FAM151A: variants seen among roughly 807,000 people sequenced by gnomAD.
FAM151A encodes family with sequence similarity 151 member A.
Under a neutral mutation model 40.4 loss-of-function variants are expected in FAM151A, and 41 were observed. That is an observed-to-expected ratio of 1.01 (90% CI 0.79 to 1.32). The LOEUF (loss-of-function observed/expected upper bound fraction) is 1.32. FAM151A is among the 40% of genes most tolerant of loss of function. FAM151A has a pLI of 0.00. For missense variants in FAM151A, 740 were observed against 740.4 expected (o/e 1.00, Z 0.01); for synonymous variants, 337 against 312.5 (o/e 1.08, Z -0.83).
Position 54,610,209 on chromosome 1 carries a change from ACTGGT to A in FAM151A, c.1084+198_1084+202del, listed in dbSNP as rs1350424280. 4 of 1,435,736 alleles carry A rather than the reference ACTGGT, an allele frequency of 2.8e-6. No homozygotes were observed. In the African/African-American group the frequency reaches 5.7e-5, roughly 21 times the overall value. 88.9% of individuals were successfully genotyped at this position (1,435,736 alleles called of 1,614,324 possible). A position where few individuals can be genotyped will look rare whatever the true frequency, so the allele number is the denominator to read the frequency against. On this transcript the variant is annotated intron_variant, in intron 7 of 7. Transcript: ENST00000302250. ...CTTGCCTGCAGCAATGTAGCTGAGG[ACTGGT>A]CTGAAGGCCAGGAGCCCTGTGCTCT...
intron 4 of FAM151A, among the ~76,000 whole-genome samples, chr1:54,613,368 G>C (rs1025479462): frequency 2.6e-5 from 4 of 151,514 alleles, no homozygotes; most frequent in Non-Finnish European, 5.9e-5. Flanking sequence ...AACAGAGTGA[G>C]ACTCCATCTC....
At chr1:54,622,423 C>T (rs1037040967) in intron 1 of FAM151A, among the ~76,000 whole-genome samples, 1 of 151,556 alleles carries the variant, frequency 6.6e-6, no homozygotes, top group South Asian at 2.1e-4. Flanking sequence ...ACTAAAAATA[C>T]AAAAATTAGC....
intron 2 of FAM151A, 143 bp from the exon 3 acceptor site, chr1:54,616,315 T>C: frequency 1.3e-6 from 1 of 750,908 alleles, no homozygotes; most frequent in Non-Finnish European, 2.1e-6. Context: ...ACTTCCATCA[T>C]AGTTTCACAT....
In FAM151A at chr1:54,612,697, C is replaced by T; in HGVS notation, c.589G>A (p.Val197Ile). 6.2e-7 allele frequency: 1 copy of T among 1,613,538 alleles called. No homozygotes were observed. ...EVNATQFLALVQEKYPKATLS... is the reference protein window; with the variant it reads ...EVNATQFLALIQEKYPKATLS... The stretch of plus-strand genomic sequence containing the variant: ...GTAGCCTTGGGATACTTCTCCTGGA[C>T]CAGGGCCAGGAACCTGCAAAAAAAT... The change falls in exon 5 of 8, where the codon GTC becomes ATC. Residue 197 changes from valine (V) to isoleucine (I), a missense_variant. Val to Ile is a conservative substitution (Grantham distance 29, BLOSUM62 3). Transcript: ENST00000302250.
intron 1 of FAM151A, among the ~76,000 whole-genome samples, chr1:54,622,827 A>T (rs1204612403): frequency 9.5e-6 from 1 of 105,160 alleles, no homozygotes; most frequent in East Asian, 2.9e-4. Flanking sequence ...GGGGGATGGA[A>T]GAGAGAAAGA....
intron 2 of FAM151A, among the ~76,000 whole-genome samples, chr1:54,619,300 CG>C (rs1180747917): frequency 6.6e-6 from 1 of 152,220 alleles, no homozygotes; most frequent in African/African-American, 2.4e-5. Flanking sequence ...GGGGGTCAAG[CG>C]TCACGCAGTG....
At chr1:54,618,368 G>T (rs901921542) in intron 2 of FAM151A, among the ~76,000 whole-genome samples, 5 of 152,128 alleles carry the variant, frequency 3.3e-5, no homozygotes, top group African/African-American at 1.2e-4. Context: ...GCCAGGCATG[G>T]TAGTGGGTTC....
intron 7 of FAM151A, 154 bp from the exon 8 acceptor site, chr1:54,610,095 G>A: frequency 7.0e-7 from 1 of 1,434,478 alleles, no homozygotes; most frequent in South Asian, 1.5e-5. Flanking sequence ...AGGTGGATGG[G>A]TTGCTTTATA....
rs1644171291 is a variant in FAM151A at position 54,616,153 on chromosome 1, C to T, written c.282G>A (p.Glu94=). 6.2e-7 allele frequency: 1 copy of T among 1,614,154 alleles called. No individual in the cohort carries two copies. ...AALNSNITVL[E]ADVNVEGLGT... ...CGAGCCCTTCTACATTGACGTCAGCCTCCAGGACTGTGATGTTGCCTGTGG... is the reference window on the plus strand; with the variant it reads ...CGAGCCCTTCTACATTGACGTCAGCTTCCAGGACTGTGATGTTGCCTGTGG... Residue 94 remains glutamate, a synonymous_variant, in exon 3 of 8, where the codon GAG becomes GAA. Coordinates refer to ENST00000302250, the MANE Select transcript of FAM151A (RefSeq NM_176782.3).
At chr1:54,613,391 CTT>C (rs1218346404) in intron 4 of FAM151A, among the ~76,000 whole-genome samples, 1 of 151,204 alleles carries the variant, frequency 6.6e-6, no homozygotes, top group South Asian at 2.1e-4. Context: ...AAAAAAAAAA[CTT>C]TTTTTCCTGT....
At chr1:54,612,754 C>T (rs758284203) in intron 4 of FAM151A, 44 bp from the exon 5 acceptor site, 1 of 1,469,682 alleles carries the variant, frequency 6.8e-7, no homozygotes, top group African/African-American at 1.4e-5. Context: ...GCTGCAGCGG[C>T]CCCTTCCTCT....
In FAM151A at chr1:54,616,099, G is replaced by T. The variant is rs139479416; in HGVS notation, c.336C>A (p.Ile112=). The change falls in exon 3 of 8, where the codon ATC becomes ATA. Residue 112 remains isoleucine (I), a synonymous_variant. Transcript: ENST00000302250. ...TGTAGATAGTGGGGGGGTGTGCCAT[G>T]ATGGGAACTCCTGTCTCATTGGCTG... ...LGTANETGVP[I]MAHPPTIYSD... is the part of the protein sequence containing the mutation. 14 of 1,614,054 alleles carry T rather than the reference G, an allele frequency of 8.7e-6. No homozygotes were observed. In the African/African-American group the frequency reaches 1.6e-4, roughly 18 times the overall value.
intron 2 of FAM151A, among the ~76,000 whole-genome samples, chr1:54,617,850 A>G (rs558886678): frequency 7.3e-5 from 11 of 149,934 alleles, no homozygotes; most frequent in Admixed American, 4.1e-4. Context: ...CAGCCTCCTG[A>G]GTAGCTGGGA....
At position 54,610,509 on chromosome 1, in the gene FAM151A, G is replaced by C. The variant is rs371294069; in HGVS notation, c.987C>G (p.Ile329Met). 2.8e-5 allele frequency: 45 copies of C among 1,613,490 alleles called. No individual in the cohort carries two copies. The highest frequency in any genetic ancestry group is 1.6e-4 in the Middle Eastern group (1 of 6,072). Reference protein sequence around the residue: ...KPMYYTGGSLIPLLQLPGDDG... With the variant: ...KPMYYTGGSLMPLLQLPGDDG... Reference sequence around the variant, plus strand: ...CATCCCCAGGCAGCTGGAGAAGAGGGATCAGGCTGCCTCCCGTGTAGTACA... The same window carrying C: ...CATCCCCAGGCAGCTGGAGAAGAGGCATCAGGCTGCCTCCCGTGTAGTACA... Residue 329 changes from isoleucine (I) to methionine (M), a missense_variant, in exon 7 of 8, where the codon ATC (isoleucine) becomes ATG (methionine). Transcript: ENST00000302250.
Position 54,614,693 on chromosome 1 carries a change from C to T in FAM151A, c.575+7G>A. The T allele has an allele frequency of 1.2e-6, 2 of 1,607,682 alleles. No individual in the cohort carries two copies. Among genetic ancestry groups the T allele is most frequent in the Non-Finnish European group, 8.5e-7 (1 of 1,175,636 alleles). On this transcript the variant is annotated splice_region_variant and intron_variant, in intron 4 of 7. Transcript: ENST00000302250. The stretch of plus-strand genomic sequence containing the variant: ...GACACAGCTGGGACAGAGAGGCGAA[C>T]ACTCACTGTGTGGCATTGACCTCAG...
At chr1:54,612,736 C>T in intron 4 of FAM151A, 26 bp from the exon 5 acceptor site, 1 of 1,584,466 alleles carries the variant, frequency 6.3e-7, no homozygotes, top group East Asian at 2.2e-5. Flanking sequence ...AGATGTTGGT[C>T]TCACGGAGCT....
intron 2 of FAM151A, among the ~76,000 whole-genome samples, chr1:54,616,978 T>C (rs896834957): frequency 7.2e-6 from 1 of 139,058 alleles, no homozygotes; most frequent in Non-Finnish European, 1.6e-5. Context: ...AGTGTTGAGA[T>C]TACAGGTGAG....
intron 4 of FAM151A, among the ~76,000 whole-genome samples, chr1:54,612,923 T>A (rs760119594): frequency 6.6e-6 from 1 of 152,154 alleles, no homozygotes; most frequent in Non-Finnish European, 1.5e-5. Flanking sequence ...ATCCTGATTC[T>A]GATCTTGGGC....
intron 1 of FAM151A, 142 bp from the exon 2 acceptor site, chr1:54,620,149 G>A: frequency 1.1e-6 from 1 of 876,680 alleles, no homozygotes; most frequent in Admixed American, 2.7e-5. Context: ...CAGACTCACT[G>A]GTGCTACAAT....
Sources: allele counts gnomAD v4.1 joint callset (sites outside exome capture counted in the v4.1 genomes callset), GRCh38; gene constraint gnomAD v4.1.1; transcripts MANE v1.5; gene names NCBI Gene and HGNC (gene_info 2026-07-23, HGNC 2026-07-21).